The following CNTNAP2 variants were observed in gnomAD, a reference collection of about 807,000 sequenced individuals.
CNTNAP2 encodes the protein contactin-associated protein-like 2.
In CNTNAP2, 98 loss-of-function variants were observed where a neutral mutation model predicts 155.2. That is an observed-to-expected ratio of 0.63 (90% CI 0.54 to 0.75). The LOEUF (loss-of-function observed/expected upper bound fraction) is 0.75. Ranked by LOEUF, CNTNAP2 falls within the 30% of genes least tolerant of loss-of-function variation. The pLI is 0.00. For synonymous variants in CNTNAP2, 651 were observed against 631.2 expected (o/e 1.03, Z -0.47); for missense variants, 1,727 against 1,688.1 (o/e 1.02, Z -0.40).
At chr7:148,322,115 G>A (rs116419699) in intron 21 of CNTNAP2, among the ~76,000 whole-genome samples, 2,130 of 152,030 alleles carry the variant, frequency 0.014, 55 homozygotes, top group African/African-American at 0.048. Flanking sequence ...AGAAATGGAG[G>A]TTTCACCATG....
In CNTNAP2 at chr7:148,287,787, C is replaced by CT. The variant is rs1230237736; in HGVS notation, c.3475+20668dup. Among the ~76,000 whole-genome samples, 23 of 64,902 alleles carry CT rather than the reference C, an allele frequency of 3.5e-4. 5 individuals are homozygous for CT. The highest frequency in any genetic ancestry group is 7.7e-4 in the Admixed American group (3 of 3,886). 42.6% of individuals were successfully genotyped at this position (64,902 alleles called of 152,430 possible). ...GGTCTCTCTTCCTCTTTCTTTCTTT[C>CT]TTTTTTTCTTTTTTTTTTTTTGAAT... On this transcript the variant is annotated intron_variant, in intron 21 of 23. Transcript: ENST00000361727.
chr7:148,386,858 A>ACTT (rs149160608), intron 22 of CNTNAP2, among the ~76,000 whole-genome samples: 7,605 of 152,280 alleles, frequency 0.05, 273 homozygotes, highest in African/African-American at 0.094. Context: ...AAAGCTAGAA[A>ACTT]CTTATATGCC....
At chr7:147,393,319 G>A (rs1352357885) in intron 9 of CNTNAP2, among the ~76,000 whole-genome samples, 1 of 151,966 alleles carries the variant, frequency 6.6e-6, no homozygotes, top group Non-Finnish European at 1.5e-5. Flanking sequence ...ATTGTTATAA[G>A]CGAATGATGA....
At chr7:147,061,641 C>A (rs73467070) in intron 4 of CNTNAP2, among the ~76,000 whole-genome samples, 9,138 of 152,156 alleles carry the variant, frequency 0.06, 702 homozygotes, top group African/African-American at 0.18. Context: ...TCCTCCTCCA[C>A]GATTCAGTGA....
intron 8 of CNTNAP2, among the ~76,000 whole-genome samples, chr7:147,285,927 T>C (rs1331368122): frequency 1.3e-5 from 2 of 152,132 alleles, no homozygotes; most frequent in Non-Finnish European, 2.9e-5. Flanking sequence ...GTCTTCCCCA[T>C]TTATTTTTAT....
intron 11 of CNTNAP2, among the ~76,000 whole-genome samples, chr7:147,502,725 G>A (rs1456965441): frequency 2.4e-5 from 3 of 125,372 alleles, no homozygotes; most frequent in African/African-American, 9.4e-5. Context: ...CAATGTGTGT[G>A]TGTGTGTGTG....
intron 1 of CNTNAP2, among the ~76,000 whole-genome samples, chr7:146,250,387 C>T (rs1250239051): frequency 2.6e-5 from 4 of 152,220 alleles, no homozygotes; most frequent in Non-Finnish European, 2.9e-5. Context: ...CACCACTGCA[C>T]TGACCTTTAG....
At chr7:146,856,586 CTTA>C (rs1794993906) in intron 3 of CNTNAP2, among the ~76,000 whole-genome samples, 2 of 152,206 alleles carry the variant, frequency 1.3e-5, no homozygotes, top group African/African-American at 4.8e-5. Flanking sequence ...TTACAAATCA[CTTA>C]TTAGTTGCAA....
chr7:146,793,686 T>A (rs973119310), intron 2 of CNTNAP2, among the ~76,000 whole-genome samples: 1 of 152,214 alleles, frequency 6.6e-6, no homozygotes, highest in Non-Finnish European at 1.5e-5. Flanking sequence ...TCCCCCTGGG[T>A]GTCTGAAATG....
At chr7:147,890,023 T>TA (rs1429485500) in intron 13 of CNTNAP2, among the ~76,000 whole-genome samples, 3 of 152,066 alleles carry the variant, frequency 2.0e-5, no homozygotes, top group Admixed American at 2.0e-4. Context: ...AAAAATCAGC[T>TA]AAAAAGACAC....
intron 3 of CNTNAP2, among the ~76,000 whole-genome samples, chr7:146,968,197 C>T (rs1236068799): frequency 6.6e-5 from 10 of 151,524 alleles, no homozygotes; most frequent in Admixed American, 6.6e-5. Flanking sequence ...TGATGTGCTG[C>T]TGGATTCGGT....
At chr7:147,280,263 A>G (rs1005062308) in intron 8 of CNTNAP2, among the ~76,000 whole-genome samples, 5 of 151,878 alleles carry the variant, frequency 3.3e-5, no homozygotes, top group Non-Finnish European at 7.4e-5. Flanking sequence ...TAAATTAAAC[A>G]ACTGAGGCTT....
intron 11 of CNTNAP2, among the ~76,000 whole-genome samples, chr7:147,529,373 T>A (rs1267358381): frequency 1.3e-5 from 2 of 152,216 alleles, no homozygotes; most frequent in Non-Finnish European, 2.9e-5. Context: ...TTCATTCATT[T>A]ATTGATATTA....
At chr7:147,980,582 C>T (rs1454070284) in intron 15 of CNTNAP2, among the ~76,000 whole-genome samples, 1 of 151,988 alleles carries the variant, frequency 6.6e-6, no homozygotes, top group Non-Finnish European at 1.5e-5. Flanking sequence ...ACCTGGTACT[C>T]GAATTGCCTG....
chr7:147,587,032 A>G (rs1278414316), intron 12 of CNTNAP2, among the ~76,000 whole-genome samples: 1 of 152,150 alleles, frequency 6.6e-6, no homozygotes, highest in Non-Finnish European at 1.5e-5. Flanking sequence ...CTAACAAACC[A>G]CGAGAATTTG....
rs140821608 is a variant in CNTNAP2 at position 147,206,499 on chromosome 7, G to A, written c.1348+73990G>A. Among the ~76,000 whole-genome samples, 1,412 of 152,212 alleles carry A rather than the reference G, an allele frequency of 9.3e-3. 18 individuals are homozygous for A. The highest frequency in any genetic ancestry group is 0.032 in the African/African-American group (1,328 of 41,536). On this transcript the variant is annotated intron_variant, in intron 8 of 23. Transcript: ENST00000361727. ...AATCACTTGAACCTGGGCAGCGGAG[G>A]TTGCAGTGAGTCGAGATCGTGACAC... is the stretch of plus-strand genomic sequence containing the variant.
intron 1 of CNTNAP2, among the ~76,000 whole-genome samples, chr7:146,234,224 G>A (rs1389727531): frequency 6.6e-6 from 1 of 152,084 alleles, no homozygotes; most frequent in African/African-American, 2.4e-5. Context: ...CAGTGATGGT[G>A]AGCATTTTCT....
intron 4 of CNTNAP2, among the ~76,000 whole-genome samples, chr7:147,080,710 TA>T (rs1450010385): frequency 6.8e-6 from 1 of 148,064 alleles, no homozygotes; most frequent in African/African-American, 2.5e-5. Flanking sequence ...TAAATATATA[TA>T]AATATATATA....
Position 148,299,905 on chromosome 7 carries a change from A to G in CNTNAP2, c.3475+32779A>G, listed in dbSNP as rs918924896. Among the ~76,000 whole-genome samples the G allele has an allele frequency of 3.3e-5, 5 of 152,354 alleles. No individual in the cohort carries two copies. The East Asian group carries it at 7.7e-4, about 23-fold the overall frequency. Reference sequence around the variant, plus strand: ...AAAGTCACTTTGGAGAGCTAACACTAAATAATAATAACTGCCAAAGGAATT... The same window carrying G: ...AAAGTCACTTTGGAGAGCTAACACTGAATAATAATAACTGCCAAAGGAATT... On this transcript the variant is annotated intron_variant, in intron 21 of 23. Coordinates refer to ENST00000361727, the MANE Select transcript of CNTNAP2 (RefSeq NM_014141.6).
Sources: gnomAD v4.1 joint callset for allele counts (sites outside exome capture counted in the v4.1 genomes callset) on GRCh38, gnomAD v4.1.1 for gene constraint, MANE v1.5 for transcripts, NCBI Gene and HGNC (gene_info 2026-07-23, HGNC 2026-07-21) for gene names.